The following LRBA variants were observed in gnomAD, a reference collection of about 807,000 sequenced individuals.
The protein encoded by LRBA is lipopolysaccharide-responsive and beige-like anchor protein.
In LRBA, 176 loss-of-function variants were observed where a neutral mutation model predicts 330.0. The ratio of observed to expected loss-of-function variants is 0.53; its 90% CI spans 0.47 to 0.60. The LOEUF is 0.60. LRBA is among the 20% of genes least tolerant of loss of function. The pLI, the probability that LRBA is intolerant of heterozygous loss-of-function variation, is 0.00. For missense variants in LRBA, 3,259 were observed against 3,444.8 expected (o/e 0.95, Z 1.35); for synonymous variants, 1,230 against 1,193.0 (o/e 1.03, Z -0.64).
intron 2 of LRBA, among the ~76,000 whole-genome samples, chr4:150,955,621 G>A (rs542587352): frequency 3.4e-5 from 5 of 148,330 alleles, no homozygotes; most frequent in Non-Finnish European, 5.9e-5. Flanking sequence ...GCCGGGCGCC[G>A]TGGCTCACAC....
chr4:150,974,395 C>G (rs944166538), intron 2 of LRBA, among the ~76,000 whole-genome samples: 3 of 152,090 alleles, frequency 2.0e-5, no homozygotes, highest in Admixed American at 6.6e-5. Context: ...GGGTGAGAAT[C>G]AGAACACCAT....
chr4:150,750,159 T>C (rs187559805), intron 35 of LRBA, among the ~76,000 whole-genome samples: 4 of 152,350 alleles, frequency 2.6e-5, no homozygotes, highest in Admixed American at 6.5e-5. Flanking sequence ...TCTCATAACA[T>C]TATCCTGCTT....
intron 37 of LRBA, among the ~76,000 whole-genome samples, chr4:150,621,448 GA>G (rs1406057642): frequency 6.6e-6 from 1 of 152,134 alleles, no homozygotes; most frequent in East Asian, 1.9e-4. Flanking sequence ...AACACAGTGT[GA>G]AAAACAGCAC....
chr4:150,414,992 T>C (rs979163384), intron 47 of LRBA, among the ~76,000 whole-genome samples: 2 of 152,218 alleles, frequency 1.3e-5, no homozygotes, highest in Non-Finnish European at 2.9e-5. Context: ...AGTTTTAACA[T>C]TTTCATATTC....
intron 40 of LRBA, chr4:150,579,780 G>T (rs1771025090): frequency 2.2e-6 from 1 of 453,350 alleles, no homozygotes; most frequent in Non-Finnish European, 4.4e-6. Context: ...GGAGCCATGC[G>T]AACCAACTCC....
At chr4:150,747,931 A>G (rs570964983) in intron 35 of LRBA, among the ~76,000 whole-genome samples, 18 of 152,294 alleles carry the variant, frequency 1.2e-4, no homozygotes, top group Non-Finnish European at 8.8e-5. Flanking sequence ...CAACTGTCCA[A>G]CTAAAATCTT....
chr4:150,658,512 TC>T (rs1780467351), intron 37 of LRBA, among the ~76,000 whole-genome samples: 1 of 314 alleles, frequency 3.2e-3, no homozygotes, highest in Admixed American at 0.062. Context: ...AAAGTCTCCC[TC>T]TCCCTCTCCC....
At chr4:150,855,981 TAGGAAATAC>T (rs1751178390) in intron 22 of LRBA, among the ~76,000 whole-genome samples, 2 of 152,146 alleles carry the variant, frequency 1.3e-5, no homozygotes, top group Non-Finnish European at 2.9e-5. Context: ...GGCAAGTCAT[TAGGAAATAC>T]AGGAAATATA....
intron 45 of LRBA, 119 bp downstream of exon 45, chr4:150,436,605 A>T: frequency 1.4e-6 from 1 of 734,276 alleles, no homozygotes; most frequent in Non-Finnish European, 2.1e-6. Flanking sequence ...TTAGAACTTC[A>T]ATAATTTAAA....
At chr4:150,898,897 C>T (rs901986019) in intron 14 of LRBA, among the ~76,000 whole-genome samples, 2 of 152,086 alleles carry the variant, frequency 1.3e-5, no homozygotes, top group African/African-American at 4.8e-5. Context: ...ATTATAGGTA[C>T]CAGATTCTCT....
At chr4:150,715,901 TG>T (rs752012162) in intron 36 of LRBA, among the ~76,000 whole-genome samples, 3 of 152,344 alleles carry the variant, frequency 2.0e-5, no homozygotes, top group Non-Finnish European at 2.9e-5. Flanking sequence ...AAAATCCTTA[TG>T]TTTTTTAGAT....
At chr4:150,747,122 A>G (rs1379538080) in intron 35 of LRBA, among the ~76,000 whole-genome samples, 1 of 151,898 alleles carries the variant, frequency 6.6e-6, no homozygotes, top group African/African-American at 2.4e-5. Context: ...GTCAGGAACT[A>G]CTCTCTCAAA....
chr4:150,984,288 G>A (rs182231651), intron 2 of LRBA, among the ~76,000 whole-genome samples: 14 of 151,534 alleles, frequency 9.2e-5, no homozygotes, highest in African/African-American at 2.2e-4. Context: ...CAAGGCGGGC[G>A]GATCACCTGA....
At chr4:150,374,182 T>C (rs752775708) in intron 47 of LRBA, among the ~76,000 whole-genome samples, 3 of 152,196 alleles carry the variant, frequency 2.0e-5, no homozygotes, top group Non-Finnish European at 4.4e-5. Context: ...TCTCCCTCTA[T>C]GAGAGTGAAC....
intron 40 of LRBA, among the ~76,000 whole-genome samples, chr4:150,586,948 T>C (rs1169979477): frequency 6.6e-6 from 1 of 152,130 alleles, no homozygotes; most frequent in Non-Finnish European, 1.5e-5. Context: ...ATTTCAGTCA[T>C]GGGACAAAGT....
At position 150,601,349 on chromosome 4, in the gene LRBA, C is replaced by A. The variant is rs150916333; in HGVS notation, c.5922-2218G>T. Among the ~76,000 whole-genome samples the A allele has an allele frequency of 1.2e-4, 19 of 152,206 alleles. 1 individual carries two copies. Among genetic ancestry groups the A allele is most frequent in the Admixed American group, 1.2e-3 (19 of 15,280 alleles). ...CAATAGATTCTACTATAATGCACCA[C>A]AGTGAAGTCAAATTCAATGGCTATT... is the stretch of plus-strand genomic sequence containing the variant. On this transcript the variant is annotated intron_variant, in intron 37 of 56. Coordinates refer to ENST00000651943, the MANE Select transcript of LRBA (RefSeq NM_001364905.1).
intron 42 of LRBA, among the ~76,000 whole-genome samples, chr4:150,475,625 G>A (rs1303171615): frequency 6.6e-6 from 1 of 151,920 alleles, no homozygotes; most frequent in Non-Finnish European, 1.5e-5. Flanking sequence ...GGCTGGGCTT[G>A]GTGGTTCACA....
chr4:150,696,964 A>T lies in LRBA; in HGVS notation c.5755-13247T>A, dbSNP rs533737643. Among the ~76,000 whole-genome samples, 62 of 151,496 alleles carry T rather than the reference A, an allele frequency of 4.1e-4. 1 individual carries two copies. Among genetic ancestry groups the T allele is most frequent in the Non-Finnish European group, 6.6e-4 (45 of 67,858 alleles). ...AGGAAGTTGAGGCTGTACTGAGCCG[A>T]GACTGCAGCACTCTACTCCAGCCTG... is the stretch of plus-strand genomic sequence containing the variant. On this transcript the variant is annotated intron_variant, in intron 36 of 56. Transcript: ENST00000651943.
At chr4:150,467,955 T>C (rs1755641134) in intron 43 of LRBA, among the ~76,000 whole-genome samples, 170 bp from the exon 44 acceptor site, 1 of 152,060 alleles carries the variant, frequency 6.6e-6, no homozygotes, top group Admixed American at 6.6e-5. Context: ...TGAAATTGTA[T>C]CATCTCCATT....
Sources: gnomAD v4.1 joint callset for allele counts (sites outside exome capture counted in the v4.1 genomes callset) on GRCh38, gnomAD v4.1.1 for gene constraint, MANE v1.5 for transcripts, NCBI Gene and HGNC (gene_info 2026-07-23, HGNC 2026-07-21) for gene names.